NF1: variants seen among roughly 807,000 people sequenced by gnomAD.
The protein encoded by NF1 is neurofibromin 1.
Under a neutral mutation model 325.7 loss-of-function variants are expected in NF1, and 122 were observed. The observed-to-expected ratio is 0.37, with a 90% CI of 0.32 to 0.44. The LOEUF is 0.44. NF1 is among the 20% of genes least tolerant of loss of function. NF1 has a pLI of 1.00. For missense variants in NF1, 2,140 were observed against 3,415.4 expected, an observed-to-expected ratio of 0.63 and a Z score of 9.31; for synonymous variants, 1,091 against 1,186.0, an observed-to-expected ratio of 0.92 and a Z score of 1.65.
At chr17:31,294,195 T>C (rs1338528468) in intron 36 of NF1, among the ~76,000 whole-genome samples, 1 of 152,242 alleles carries the variant, frequency 6.6e-6, no homozygotes, top group Non-Finnish European at 1.5e-5. Context: ...AGGATTTTAA[T>C]TTTGTAAATA....
At chr17:31,280,603 A>G (rs980650180) in intron 36 of NF1, among the ~76,000 whole-genome samples, 2 of 151,494 alleles carry the variant, frequency 1.3e-5, no homozygotes, top group Non-Finnish European at 2.9e-5. Flanking sequence ...TGTGGGAAGG[A>G]TATTGTAAGT....
At chr17:31,157,089 T>C (rs2065677049) in intron 2 of NF1, among the ~76,000 whole-genome samples, 1 of 152,118 alleles carries the variant, frequency 6.6e-6, no homozygotes, top group Admixed American at 6.6e-5. Context: ...CCAGTTCAAG[T>C]GATTTTGCTG....
intron 8 of NF1, chr17:31,183,070 C>T (rs1431929935): frequency 4.8e-6 from 2 of 415,626 alleles, no homozygotes; most frequent in African/African-American, 4.1e-5. Context: ...TATCTAGTAA[C>T]TCATTTTAAG....
chr17:31,184,466 G>A (rs1340751462), intron 8 of NF1, among the ~76,000 whole-genome samples: 1 of 151,204 alleles, frequency 6.6e-6, no homozygotes, highest in Non-Finnish European at 1.5e-5. Flanking sequence ...TGGCTAACAC[G>A]GTGAAACCCT....
At chr17:31,360,739 C>T (rs2151588430) in intron 57 of NF1, 36 bp downstream of exon 57, 1 of 1,525,174 alleles carries the variant, frequency 6.6e-7, no homozygotes, top group Non-Finnish European at 9.1e-7. Context: ...CTTTGAGCAA[C>T]AATATAAGAC....
intron 47 of NF1, among the ~76,000 whole-genome samples, chr17:31,341,591 TAAA>T (rs1567619623): frequency 1.8e-5 from 1 of 54,630 alleles, no homozygotes; most frequent in African/African-American, 6.3e-5. Flanking sequence ...TATATATATA[TAAA>T]GTGTGTGTGT....
intron 57 of NF1, among the ~76,000 whole-genome samples, chr17:31,365,405 G>A (rs2070495824): frequency 6.6e-6 from 1 of 151,820 alleles, no homozygotes; most frequent in African/African-American, 2.4e-5. Flanking sequence ...ATTGTTGTAA[G>A]TTAATTCAAT....
chr17:31,232,256 C>A, intron 25 of NF1, 67 bp downstream of exon 25: 2 of 968,214 alleles, frequency 2.1e-6, no homozygotes, highest in Non-Finnish European at 3.4e-6. Context: ...ACAAAAAAAG[C>A]AAAGAAATAA....
chr17:31,301,406 G>C (rs1322827318), intron 36 of NF1, among the ~76,000 whole-genome samples: 1 of 151,890 alleles, frequency 6.6e-6, no homozygotes. Flanking sequence ...TGTTTCCACT[G>C]ATTTGATATT....
intron 1 of NF1, among the ~76,000 whole-genome samples, chr17:31,153,748 T>C (rs1391730080): frequency 1.3e-5 from 2 of 151,880 alleles, no homozygotes; most frequent in Non-Finnish European, 2.9e-5. Context: ...GTAGCTGGAT[T>C]ACAGGCACAC....
intron 25 of NF1, 140 bp downstream of exon 25, chr17:31,232,329 T>A (rs2067127186): frequency 6.0e-6 from 4 of 662,984 alleles, no homozygotes; most frequent in Non-Finnish European, 1.1e-5. Flanking sequence ...AAGAAAGTAA[T>A]ATGATCAGTG....
rs745678532 is a variant in NF1 at position 31,260,408 on chromosome 17, T to A, written c.4470T>A (p.Asp1490Glu). 1 of 1,613,956 alleles carries A rather than the reference T, an allele frequency of 6.2e-7. No individual in the cohort carries two copies. Among genetic ancestry groups the A allele is most frequent in the Non-Finnish European group, 8.5e-7 (1 of 1,179,984 alleles). ...TAGCATCTGATTGTCCTACAAGTGA[T>A]GCAGTAAATCATAGTCTTTCCTTCA... ...LDIASDCPTS[D>E]AVNHSLSFIS... Residue 1490 changes from aspartate to glutamate, a missense_variant, in exon 34 of 58, where the codon GAT (aspartate) becomes GAA (glutamate). Asp to Glu is a conservative substitution (Grantham distance 45). Around this residue, in one of 10 missense-constraint regions of NF1, gnomAD observed 336 missense variants for 399.0 expected, o/e 0.84. Transcript: ENST00000358273.
chr17:31,200,150 AAAG>A (rs912138486), intron 8 of NF1, among the ~76,000 whole-genome samples: 3 of 152,064 alleles, frequency 2.0e-5, no homozygotes, highest in South Asian at 2.1e-4. Flanking sequence ...AAAAAAAAAA[AAAG>A]AAGTTCAGAA....
At chr17:31,142,724 G>A (rs1272108147) in intron 1 of NF1, among the ~76,000 whole-genome samples, 6 of 151,964 alleles carry the variant, frequency 3.9e-5, no homozygotes, top group Admixed American at 2.0e-4. Context: ...AAAATTAACC[G>A]GGTGTGGTGG....
intron 29 of NF1, among the ~76,000 whole-genome samples, chr17:31,245,330 A>G (rs970575466): frequency 2.4e-4 from 36 of 152,168 alleles, no homozygotes; most frequent in Non-Finnish European, 5.9e-5. Flanking sequence ...TTGCAAGTTC[A>G]TTTTCCTCCT....
Position 31,337,840 on chromosome 17 carries a change from A to G in NF1, c.6664A>G (p.Thr2222Ala), listed in dbSNP as rs745945481. ...IMEACMRDIP[T>A]CKWLDQWTEL... ...TTAGGCATGCATGAGAGATATTCCA[A>G]CGTGCAAGTGGCTGGACCAGTGGAC... The change falls in exon 44 of 58, where the codon ACG (threonine) becomes GCG (alanine). Residue 2222 changes from threonine (T) to alanine (A), a missense_variant. Coordinates refer to ENST00000358273, the MANE Select transcript of NF1 (RefSeq NM_001042492.3). The G allele has an allele frequency of 7.0e-5, 113 of 1,613,902 alleles. No individual in the cohort carries two copies. The highest frequency in any genetic ancestry group is 8.0e-5 in the African/African-American group (6 of 74,922).
chr17:31,139,072 C>CA (rs1354957433), intron 1 of NF1, among the ~76,000 whole-genome samples: 4 of 151,816 alleles, frequency 2.6e-5, no homozygotes, highest in African/African-American at 9.7e-5. Context: ...TTTTTTGAGA[C>CA]AGTCTCATTC....
intron 29 of NF1, among the ~76,000 whole-genome samples, chr17:31,237,290 T>G (rs2067219667): frequency 6.6e-6 from 1 of 152,152 alleles, no homozygotes; most frequent in Non-Finnish European, 1.5e-5. Context: ...CTTCTTATTT[T>G]TTGAAATGGG....
intron 36 of NF1, among the ~76,000 whole-genome samples, chr17:31,283,932 A>G (rs2068173792): frequency 2.0e-5 from 3 of 149,382 alleles, no homozygotes; most frequent in South Asian, 4.1e-4. Context: ...CTTGGTTTAT[A>G]TAAGTAATCC....
Sources: gnomAD v4.1 joint callset for allele counts (sites outside exome capture counted in the v4.1 genomes callset) on GRCh38, gnomAD v4.1.1 for gene constraint, gnomAD v4.1.1 regional missense constraint, MANE v1.5 for transcripts, NCBI Gene and HGNC (gene_info 2026-07-23, HGNC 2026-07-21) for gene names.